The following NEDD4L variants were observed in gnomAD, a reference collection of about 807,000 sequenced individuals.
NEDD4L encodes the protein NEDD4 like E3 ubiquitin protein ligase, also known as E3 ubiquitin-protein ligase NEDD4-like.
Under a neutral mutation model 148.9 loss-of-function variants are expected in NEDD4L, and 54 were observed. The ratio of observed to expected loss-of-function variants is 0.36; its 90% CI spans 0.29 to 0.45. NEDD4L has a LOEUF of 0.45. Among genes scored for constraint, NEDD4L ranks in the 20% least tolerant of loss-of-function variants. The probability of loss-of-function intolerance (pLI) is 1.00; values close to 1 mark genes in which losing one functional copy is unlikely to be tolerated. For missense variants in NEDD4L, 856 were observed against 1,233.8 expected, an observed-to-expected ratio of 0.69 and a Z score of 4.59; for synonymous variants, 433 against 440.7, an observed-to-expected ratio of 0.98 and a Z score of 0.22.
intron 5 of NEDD4L, chr18:58,255,947 G>A: frequency 8.1e-7 from 1 of 1,231,286 alleles, no homozygotes; most frequent in Non-Finnish European, 1.0e-6. Flanking sequence ...CACGGACGGG[G>A]CCACGGACGG....
In NEDD4L at chr18:58,151,490, C is replaced by T. The variant is rs187639638; in HGVS notation, c.49-14298C>T. Among the ~76,000 whole-genome samples the T allele has an allele frequency of 5.2e-3, 799 of 152,256 alleles. 4 individuals carry two copies. The highest frequency in any genetic ancestry group is 8.6e-3 in the Non-Finnish European group (585 of 68,024). ...TGTTCTCATTCCAAAATGTAAATTTCTGGTGTTTAGTAGGTGCTCAGTAAA... is the reference window on the plus strand; with the variant it reads ...TGTTCTCATTCCAAAATGTAAATTTTTGGTGTTTAGTAGGTGCTCAGTAAA... On this transcript the variant is annotated intron_variant, in intron 1 of 30. Coordinates refer to ENST00000400345, the MANE Select transcript of NEDD4L (RefSeq NM_001144967.3).
intron 1 of NEDD4L, among the ~76,000 whole-genome samples, chr18:58,120,280 C>T (rs907696826): frequency 3.3e-5 from 5 of 152,130 alleles, no homozygotes; most frequent in African/African-American, 1.2e-4. Context: ...CTGATGTCAG[C>T]CAAGAGCAGG....
At chr18:58,182,851 C>T (rs758675916) in intron 2 of NEDD4L, among the ~76,000 whole-genome samples, 6 of 152,200 alleles carry the variant, frequency 3.9e-5, no homozygotes, top group Non-Finnish European at 8.8e-5. Flanking sequence ...GTCCTGACTG[C>T]TCAGAGCTTA....
chr18:58,082,693 AC>A (rs2145144995), intron 1 of NEDD4L, among the ~76,000 whole-genome samples: 1 of 150,516 alleles, frequency 6.6e-6, no homozygotes, highest in East Asian at 2.0e-4. Flanking sequence ...AATTGCTTGA[AC>A]CTGGGAAGCG....
chr18:58,393,509 T>G (rs2050097122), intron 30 of NEDD4L, among the ~76,000 whole-genome samples: 1 of 152,226 alleles, frequency 6.6e-6, no homozygotes, highest in South Asian at 2.1e-4. Flanking sequence ...TTCCTCTTTA[T>G]GTGTCACGGA....
At chr18:58,296,585 G>T (rs573859228) in intron 5 of NEDD4L, among the ~76,000 whole-genome samples, 1 of 152,178 alleles carries the variant, frequency 6.6e-6, no homozygotes, top group Non-Finnish European at 1.5e-5. Context: ...GGGCTGCCTT[G>T]CCTCCTCTGC....
intron 1 of NEDD4L, among the ~76,000 whole-genome samples, chr18:58,126,162 C>T (rs550135741): frequency 3.3e-5 from 5 of 152,352 alleles, no homozygotes; most frequent in African/African-American, 9.6e-5. Flanking sequence ...TTACAATTCA[C>T]CCATTTAATG....
chr18:58,226,612 G>A (rs1298005163), intron 2 of NEDD4L, among the ~76,000 whole-genome samples: 2 of 152,146 alleles, frequency 1.3e-5, no homozygotes, highest in Admixed American at 1.3e-4. Context: ...AGTGAGCAGG[G>A]GCATGAGTTC....
intron 5 of NEDD4L, among the ~76,000 whole-genome samples, chr18:58,285,330 T>C (rs1042182817): frequency 6.6e-6 from 1 of 151,792 alleles, no homozygotes; most frequent in Non-Finnish European, 1.5e-5. Context: ...TGTGTGGGTG[T>C]GTGTGTGTGT....
intron 11 of NEDD4L, among the ~76,000 whole-genome samples, chr18:58,332,243 A>G (rs1346761882): frequency 1.3e-5 from 2 of 152,344 alleles, no homozygotes; most frequent in African/African-American, 4.8e-5. Context: ...GATCTGTGAA[A>G]TATCATTAAG....
At chr18:58,107,298 A>G (rs2085123225) in intron 1 of NEDD4L, among the ~76,000 whole-genome samples, 1 of 152,238 alleles carries the variant, frequency 6.6e-6, no homozygotes, top group Non-Finnish European at 1.5e-5. Flanking sequence ...AATTCAGCCA[A>G]TACCAGTAAA....
At chr18:58,375,130 A>T (rs1016399570) in intron 24 of NEDD4L, among the ~76,000 whole-genome samples, 1 of 150,898 alleles carries the variant, frequency 6.6e-6, no homozygotes, top group Non-Finnish European at 1.5e-5. Flanking sequence ...TCCTCATGCC[A>T]TCTCCCCTCC....
At chr18:58,391,259 A>C (rs981309993) in intron 29 of NEDD4L, among the ~76,000 whole-genome samples, 1 of 152,138 alleles carries the variant, frequency 6.6e-6, no homozygotes, top group African/African-American at 2.4e-5. Context: ...GTGTTTGTTA[A>C]TCTTGGTGCA....
At position 58,236,924 on chromosome 18, in the gene NEDD4L, G is replaced by A. The variant is rs527250644; in HGVS notation, c.123-8503G>A. On this transcript the variant is annotated intron_variant, in intron 2 of 30. Coordinates refer to ENST00000400345, the MANE Select transcript of NEDD4L (RefSeq NM_001144967.3). ...TGTAATCCCAGCTACTCGGGAGGCT[G>A]AGGCAGGAGAATAGCTTGAACCTGG... Among the ~76,000 whole-genome samples, 8 of 152,214 alleles carry A rather than the reference G, an allele frequency of 5.3e-5. 1 individual carries two copies. In the South Asian group the frequency reaches 1.7e-3, roughly 32 times the overall value.
intron 1 of NEDD4L, chr18:58,149,709 G>A: frequency 1.5e-6 from 1 of 660,782 alleles, no homozygotes. Flanking sequence ...TAATTGACCT[G>A]ATTACTTCTT....
intron 25 of NEDD4L, among the ~76,000 whole-genome samples, chr18:58,383,533 A>G (rs1251315162): frequency 1.3e-5 from 2 of 152,212 alleles, no homozygotes; most frequent in African/African-American, 2.4e-5. Flanking sequence ...GCTGCCCTAT[A>G]AAGGAGCAGA....
intron 2 of NEDD4L, chr18:58,195,808 C>T (rs146961559): frequency 2.0e-5 from 19 of 958,982 alleles, no homozygotes; most frequent in African/African-American, 3.3e-5. Context: ...GTTCTCTTAC[C>T]GTGAATCCAT....
intron 1 of NEDD4L, among the ~76,000 whole-genome samples, chr18:58,063,949 C>CTTT (rs58608106): frequency 4.9e-4 from 63 of 129,822 alleles, no homozygotes; most frequent in Non-Finnish European, 8.5e-4. Context: ...TATAATGTTT[C>CTTT]TTTTTTTTTT....
intron 2 of NEDD4L, among the ~76,000 whole-genome samples, chr18:58,213,757 G>T (rs980856348): frequency 2.0e-5 from 3 of 148,760 alleles, no homozygotes; most frequent in Admixed American, 1.3e-4. Context: ...TGTTGTTGTT[G>T]TTTTTTTTTT....
Sources: allele counts gnomAD v4.1 joint callset (sites outside exome capture counted in the v4.1 genomes callset), GRCh38; gene constraint gnomAD v4.1.1; transcripts MANE v1.5; gene names NCBI Gene and HGNC (gene_info 2026-07-23, HGNC 2026-07-21).